XIRP2: variants seen among roughly 807,000 people sequenced by gnomAD.
XIRP2 encodes xin actin-binding repeat-containing protein 2.
XIRP2 carries 236 observed loss-of-function variants against 277.0 expected under a neutral mutation model. The observed-to-expected ratio is 0.85, with a 90% confidence interval of 0.77 to 0.95. The LOEUF (loss-of-function observed/expected upper bound fraction) is 0.95. XIRP2 is among the 40% of genes least tolerant of loss of function. The probability of loss-of-function intolerance (pLI) is 0.00; values close to 1 mark genes in which losing one functional copy is unlikely to be tolerated. For synonymous variants in XIRP2, 1,490 were observed against 1,416.5 expected (o/e 1.05, Z -1.17); for missense variants, 4,640 against 4,157.5 (o/e 1.12, Z -3.19).
At chr2:167,215,358 C>T (rs1246138033) in intron 4 of XIRP2, among the ~76,000 whole-genome samples, 1 of 152,140 alleles carries the variant, frequency 6.6e-6, no homozygotes, top group Non-Finnish European at 1.5e-5. Flanking sequence ...AGGGCCACCA[C>T]ACATATTTTG....
intron 2 of XIRP2, among the ~76,000 whole-genome samples, chr2:166,936,449 G>T (rs1028884481): frequency 1.1e-4 from 16 of 152,284 alleles, no homozygotes; most frequent in African/African-American, 3.9e-4. Context: ...GGCTTTTGTT[G>T]CTACTGCTTT....
intron 5 of XIRP2, among the ~76,000 whole-genome samples, chr2:167,238,009 G>A (rs1191641339): frequency 6.6e-6 from 1 of 152,106 alleles, no homozygotes; most frequent in Non-Finnish European, 1.5e-5. Context: ...TTGTTATATG[G>A]AATTCTGATT....
At chr2:166,889,129 C>T (rs924087851) in intron 1 of XIRP2, among the ~76,000 whole-genome samples, 3 of 152,132 alleles carry the variant, frequency 2.0e-5, no homozygotes, top group African/African-American at 7.2e-5. Context: ...TCAGCAGCTG[C>T]CTCCTGGCAC....
intron 3 of XIRP2, among the ~76,000 whole-genome samples, chr2:167,150,766 A>G (rs1003542720): frequency 6.6e-6 from 1 of 152,050 alleles, no homozygotes; most frequent in Admixed American, 6.6e-5. Context: ...TTATAGTACT[A>G]TGATTAGCAC....
chr2:166,966,994 A>G (rs1202554054), intron 2 of XIRP2, among the ~76,000 whole-genome samples: 1 of 151,822 alleles, frequency 6.6e-6, no homozygotes, highest in Non-Finnish European at 1.5e-5. Flanking sequence ...ATTTGTAGGC[A>G]CCCCATATTT....
intron 3 of XIRP2, among the ~76,000 whole-genome samples, chr2:167,155,348 T>G (rs1692154782): frequency 6.6e-6 from 1 of 151,752 alleles, no homozygotes; most frequent in African/African-American, 2.4e-5. Flanking sequence ...AAATCCTCAA[T>G]AAAATACTGG....
intron 2 of XIRP2, among the ~76,000 whole-genome samples, chr2:167,009,645 C>T (rs539571903): frequency 2.6e-5 from 4 of 152,176 alleles, no homozygotes; most frequent in Non-Finnish European, 5.9e-5. Flanking sequence ...GCCACACTGA[C>T]TTCCACAATG....
At chr2:166,931,785 G>T (rs941102588) in intron 2 of XIRP2, among the ~76,000 whole-genome samples, 2 of 151,978 alleles carry the variant, frequency 1.3e-5, no homozygotes, top group Non-Finnish European at 2.9e-5. Context: ...ATTTCTCTTG[G>T]ATAGAAGTAT....
chr2:167,153,488 G>A (rs550511492), intron 3 of XIRP2, among the ~76,000 whole-genome samples: 65 of 151,698 alleles, frequency 4.3e-4, no homozygotes, highest in South Asian at 1.5e-3. Flanking sequence ...TACATGTGCC[G>A]TGCTGCTGTG....
In XIRP2 at chr2:167,245,426, G is replaced by A. The variant is rs745572585; in HGVS notation, c.4034G>A (p.Gly1345Glu). The A allele has an allele frequency of 6.2e-7, 1 of 1,613,704 alleles. No individual in the cohort carries two copies. The highest frequency in any genetic ancestry group is 8.5e-7 in the Non-Finnish European group (1 of 1,179,752). ...TTVKKEEVIH[G>E]DVRGTRWLFE... The stretch of plus-strand genomic sequence containing the variant: ...GTTAAAAAAGAAGAGGTAATTCATG[G>A]AGATGTGCGAGGAACAAGGTGGCTT... Residue 1345 changes from glycine to glutamate, a missense_variant, in exon 9 of 11, where the codon GGA (glycine) becomes GAA (glutamate). Coordinates refer to ENST00000409195, the MANE Select transcript of XIRP2 (RefSeq NM_152381.6).
chr2:167,250,904 C>G lies in XIRP2; in HGVS notation c.9512C>G (p.Ser3171Cys), dbSNP rs1695468778. ...QKSEIHRANT[S>C]PSPPRSRSEQ... ...TCTGAAATTCACAGAGCAAACACTT[C>G]CCCTTCTCCACCCAGGAGTCGCTCT... Residue 3171 changes from serine to cysteine, a missense_variant, in exon 9 of 11, where the codon TCC becomes TGC. Physicochemically the swap from Ser to Cys is moderately radical, Grantham distance 112. Transcript: ENST00000409195. The G allele has an allele frequency of 6.2e-7, 1 of 1,613,168 alleles. No homozygotes were observed. Among genetic ancestry groups the G allele is most frequent in the African/African-American group, 1.3e-5 (1 of 74,706 alleles).
chr2:167,224,364 G>C (rs1694527332), intron 5 of XIRP2, among the ~76,000 whole-genome samples: 1 of 152,102 alleles, frequency 6.6e-6, no homozygotes, highest in Non-Finnish European at 1.5e-5. Flanking sequence ...CTCCTGAGTA[G>C]TTGGGACCAC....
intron 2 of XIRP2, among the ~76,000 whole-genome samples, chr2:167,112,119 G>A (rs1690774793): frequency 6.6e-6 from 1 of 151,476 alleles, no homozygotes; most frequent in Non-Finnish European, 1.5e-5. Flanking sequence ...CCAACTTCTG[G>A]ATTCATTTAT....
At chr2:166,948,604 G>T (rs898409641) in intron 2 of XIRP2, among the ~76,000 whole-genome samples, 1 of 151,986 alleles carries the variant, frequency 6.6e-6, no homozygotes, top group African/African-American at 2.4e-5. Flanking sequence ...GTTCAGAGAG[G>T]TTAAGCAGTT....
In XIRP2 at chr2:167,045,177, G is replaced by T. The variant is rs78707285; in HGVS notation, c.409-90732G>T. On this transcript the variant is annotated intron_variant, in intron 2 of 10. Coordinates refer to ENST00000409195, the MANE Select transcript of XIRP2 (RefSeq NM_152381.6). ...AAGGATTTCCTAATCAATAAATGGT[G>T]CTGGGATAGTTGGCTAGCCATATGC... 3.9e-3 allele frequency among the ~76,000 whole-genome samples: 601 copies of T among 152,210 alleles called. 32 individuals carry two copies. The East Asian group carries it at 0.094, about 24-fold the overall frequency.
At chr2:167,016,486 A>T (rs1687830218) in intron 2 of XIRP2, among the ~76,000 whole-genome samples, 1 of 151,948 alleles carries the variant, frequency 6.6e-6, no homozygotes, top group South Asian at 2.1e-4. Flanking sequence ...ATTCAGCCAC[A>T]TCCCACAAAT....
At chr2:167,042,458 T>C (rs961080420) in intron 2 of XIRP2, among the ~76,000 whole-genome samples, 1 of 152,024 alleles carries the variant, frequency 6.6e-6, no homozygotes, top group Non-Finnish European at 1.5e-5. Flanking sequence ...TCAAATGCAA[T>C]GACACCTGTA....
intron 2 of XIRP2, among the ~76,000 whole-genome samples, chr2:166,999,345 C>T (rs1687305480): frequency 6.6e-6 from 1 of 151,964 alleles, no homozygotes; most frequent in Non-Finnish European, 1.5e-5. Flanking sequence ...CTCTCTGTTG[C>T]TTATTTCCGC....
chr2:167,061,015 T>C lies in XIRP2; in HGVS notation c.409-74894T>C, dbSNP rs941684907. On this transcript the variant is annotated intron_variant, in intron 2 of 10. Transcript: ENST00000409195. ...ATTTATGCTTATATATCTCTCTCCA[T>C]TTATTTTCTCATTTATCAGAGCAAT... 4.6e-5 allele frequency among the ~76,000 whole-genome samples: 7 copies of C among 152,132 alleles called. 1 individual carries two copies. Among genetic ancestry groups the C allele is most frequent in the African/African-American group, 1.7e-4 (7 of 41,458 alleles).
Sources: allele counts gnomAD v4.1 joint callset (sites outside exome capture counted in the v4.1 genomes callset), GRCh38; gene constraint gnomAD v4.1.1; transcripts MANE v1.5; gene names NCBI Gene and HGNC (gene_info 2026-07-23, HGNC 2026-07-21).